Variants in SHANK2 observed in about 807,000 individuals in gnomAD.
The protein encoded by SHANK2 is SH3 and multiple ankyrin repeat domains 2.
A neutral mutation model predicts 133.7 loss-of-function variants in SHANK2; 43 were observed. The ratio of observed to expected loss-of-function variants is 0.32; its 90% confidence interval spans 0.25 to 0.41. The LOEUF (loss-of-function observed/expected upper bound fraction) is 0.41. SHANK2 is among the 10% of genes least tolerant of loss of function. The pLI, the probability that SHANK2 is intolerant of heterozygous loss-of-function variation, is 1.00. For missense variants in SHANK2, 1,994 were observed against 2,235.8 expected (o/e 0.89, Z 2.18); for synonymous variants, 1,017 against 952.8 (o/e 1.07, Z -1.24).
chr11:70,586,810 C>T (rs913747190), intron 17 of SHANK2, among the ~76,000 whole-genome samples: 1 of 152,180 alleles, frequency 6.6e-6, no homozygotes, highest in African/African-American at 2.4e-5. Context: ...CGGGGAAGGA[C>T]ACCAGTACCT....
chr11:70,885,471 G>T (rs1377835590), intron 11 of SHANK2, among the ~76,000 whole-genome samples: 1 of 152,232 alleles, frequency 6.6e-6, no homozygotes, highest in Non-Finnish European at 1.5e-5. Context: ...AGTCAGTGCG[G>T]CCAGGGACTC....
intron 11 of SHANK2, among the ~76,000 whole-genome samples, chr11:70,837,282 C>G (rs1024833588): frequency 2.0e-5 from 3 of 152,212 alleles, no homozygotes; most frequent in African/African-American, 7.2e-5. Flanking sequence ...GCTGCTCCTG[C>G]TCCTCCAGAT....
rs1363614590 is a variant in SHANK2 at position 70,681,933 on chromosome 11, G to A, written c.1853+16755C>T. ...CATCACCGGGCTTTATAATAACAGG[G>A]TCTGGGCATGCTCGGGGTGAAATCT... On this transcript the variant is annotated intron_variant, in intron 15 of 25. Coordinates refer to ENST00000601538, the MANE Select transcript of SHANK2 (RefSeq NM_012309.5). 2.0e-5 allele frequency among the ~76,000 whole-genome samples: 3 copies of A among 152,186 alleles called. No individual in the cohort carries two copies. In the East Asian group the frequency reaches 5.8e-4, roughly 29 times the overall value.
chr11:70,613,582 G>A (rs973223172), intron 17 of SHANK2, among the ~76,000 whole-genome samples: 1 of 152,082 alleles, frequency 6.6e-6, no homozygotes, highest in African/African-American at 2.4e-5. Flanking sequence ...AGTGTTATGA[G>A]TTAAACTGTG....
At chr11:70,951,672 A>C (rs1555086698) in intron 10 of SHANK2, among the ~76,000 whole-genome samples, 2 of 152,134 alleles carry the variant, frequency 1.3e-5, no homozygotes, top group East Asian at 1.9e-4. Context: ...CTGTGCCGTG[A>C]CATCATAAAG....
chr11:71,221,931 A>G (rs1193969659), intron 2 of SHANK2, among the ~76,000 whole-genome samples: 1 of 152,142 alleles, frequency 6.6e-6, no homozygotes, highest in African/African-American at 2.4e-5. Flanking sequence ...TGGGAGAGCC[A>G]CTGAGGAGTA....
intron 10 of SHANK2, among the ~76,000 whole-genome samples, chr11:70,925,204 A>G (rs577443160): frequency 2.8e-4 from 42 of 152,316 alleles, no homozygotes; most frequent in African/African-American, 9.9e-4. Flanking sequence ...ATGTTTAAGA[A>G]AGCAATGGTT....
At chr11:70,866,827 C>G (rs2135524905) in intron 11 of SHANK2, among the ~76,000 whole-genome samples, 2 of 152,170 alleles carry the variant, frequency 1.3e-5, no homozygotes, top group South Asian at 4.2e-4. Flanking sequence ...AAGGGGTGAC[C>G]TAGAGGCAGC....
chr11:70,592,121 C>T (rs114777716), intron 17 of SHANK2, among the ~76,000 whole-genome samples: 62 of 152,236 alleles, frequency 4.1e-4, no homozygotes, highest in African/African-American at 1.4e-3. Flanking sequence ...ATGCAGGAAG[C>T]CCAGTCCCTG....
chr11:70,590,785 T>C (rs1305206247), intron 17 of SHANK2, among the ~76,000 whole-genome samples: 3 of 147,838 alleles, frequency 2.0e-5, no homozygotes, highest in African/African-American at 7.4e-5. Flanking sequence ...AAAAAAAAAG[T>C]GTGCATCTCG....
chr11:70,537,970 C>T (rs996681084), intron 17 of SHANK2, among the ~76,000 whole-genome samples: 11 of 152,206 alleles, frequency 7.2e-5, no homozygotes, highest in Admixed American at 1.3e-4. Context: ...GAGAGGGCAG[C>T]GAGAGACCCC....
intron 10 of SHANK2, chr11:70,942,450 C>A: frequency 2.3e-6 from 1 of 435,824 alleles, no homozygotes; most frequent in Admixed American, 2.4e-5. Context: ...TCACTCACTA[C>A]TAGAGAACAC....
chr11:71,094,344 A>G (rs1951569201), intron 7 of SHANK2, among the ~76,000 whole-genome samples, 193 bp downstream of exon 7: 1 of 152,120 alleles, frequency 6.6e-6, no homozygotes, highest in African/African-American at 2.4e-5. Flanking sequence ...ATCGACAACC[A>G]GGAGAGAGAA....
chr11:71,084,959 T>C (rs1424110636), intron 8 of SHANK2, among the ~76,000 whole-genome samples: 1 of 152,138 alleles, frequency 6.6e-6, no homozygotes. Flanking sequence ...ACGGGTCCTA[T>C]ACACATTTGA....
At chr11:70,786,773 C>G (rs1002701349) in intron 14 of SHANK2, among the ~76,000 whole-genome samples, 2 of 152,122 alleles carry the variant, frequency 1.3e-5, no homozygotes, top group Non-Finnish European at 2.9e-5. Flanking sequence ...TTGTTCATGG[C>G]CAGAGCAGTA....
At chr11:70,695,705 G>A (rs1945377997) in intron 15 of SHANK2, among the ~76,000 whole-genome samples, 1 of 152,228 alleles carries the variant, frequency 6.6e-6, no homozygotes, top group South Asian at 2.1e-4. Flanking sequence ...CCTCTAGCAG[G>A]TGGAATGTAA....
chr11:70,539,210 A>T (rs968569961), intron 17 of SHANK2, among the ~76,000 whole-genome samples: 1 of 152,178 alleles, frequency 6.6e-6, no homozygotes, highest in South Asian at 2.1e-4. Context: ...CGACCCCAGG[A>T]TGCAACAGCA....
chr11:70,501,884 C>T, intron 20 of SHANK2, 39 bp downstream of exon 20: 3 of 1,555,762 alleles, frequency 1.9e-6, no homozygotes, highest in East Asian at 4.8e-5. Context: ...CCCTAGACAG[C>T]AGGGGGAGCT....
intron 10 of SHANK2, among the ~76,000 whole-genome samples, chr11:70,914,466 C>T (rs898577090): frequency 2.6e-5 from 4 of 151,768 alleles, no homozygotes; most frequent in South Asian, 2.1e-4. Context: ...CCCAGCCTCG[C>T]ACAGAAAGGC....
Sources: allele counts gnomAD v4.1 joint callset (sites outside exome capture counted in the v4.1 genomes callset), GRCh38; gene constraint gnomAD v4.1.1; transcripts MANE v1.5; gene names NCBI Gene and HGNC (gene_info 2026-07-23, HGNC 2026-07-21).